KCNA6: variants seen among roughly 807,000 people sequenced by gnomAD.
KCNA6 encodes potassium voltage-gated channel subfamily A member 6.
In KCNA6, 17 loss-of-function variants were observed where a neutral mutation model predicts 29.5. That is an observed-to-expected ratio of 0.58 (90% CI 0.39 to 0.86). KCNA6 has a LOEUF of 0.86. Ranked by LOEUF, KCNA6 falls within the 40% of genes least tolerant of loss-of-function variation. The probability of loss-of-function intolerance (pLI) is 0.00; values close to 1 mark genes in which losing one functional copy is unlikely to be tolerated. For missense variants in KCNA6, 450 were observed against 703.4 expected, an observed-to-expected ratio of 0.64 and a Z score of 4.07; for synonymous variants, 296 against 304.7, an observed-to-expected ratio of 0.97 and a Z score of 0.30.
At chr12:4,846,317 C>T in the KCNA6 span, among the ~76,000 whole-genome samples, 1 of 152,130 alleles carries the variant, frequency 6.6e-6, no homozygotes, top group African/African-American at 2.4e-5. Context: ...TGACTTCCAA[C>T]TATGGAAGAT....
rs1946614759 is a variant in KCNA6, at chr12:4,810,411, T to A, written c.370T>A (p.Tyr124Asn). The A allele has an allele frequency of 6.2e-7, 1 of 1,613,980 alleles. No individual in the cohort carries two copies. The highest frequency in any genetic ancestry group is 1.3e-5 in the African/African-American group (1 of 74,910). The change falls in exon 1 of 1, where the codon TAC becomes AAC. Residue 124 changes from tyrosine to asparagine, a missense_variant. By Grantham distance (143) the Tyr-to-Asn change is moderately radical. Around this residue, in one of 7 missense-constraint regions of KCNA6, gnomAD observed 133 missense variants for 217.5 expected, o/e 0.61. Coordinates refer to ENST00000280684, the Ensembl canonical transcript of KCNA6. This position sits in a 1 kb window ranked among gnomAD's most constrained non-coding sequence, Gnocchi z 7.5. The stretch of plus-strand genomic sequence containing the variant: ...CATTTTCCTGGAGGAGATCCGCTTC[T>A]ACCAGCTGGGGGACGAGGCCCTGGC...
At chr12:4,843,945 A>G in the KCNA6 span, among the ~76,000 whole-genome samples, 26 of 152,296 alleles carry the variant, frequency 1.7e-4, no homozygotes, top group South Asian at 4.6e-3. Context: ...AGACAGATCC[A>G]AAACCATATC....
downstream of KCNA6, among the ~76,000 whole-genome samples, chr12:4,815,522 C>G (rs1020341940): frequency 6.6e-6 from 1 of 152,084 alleles, no homozygotes. Flanking sequence ...CTCAGGTTCT[C>G]CAAGCTTAGG....
chr12:4,812,696 G>A (rs1021667968), exon 1 of KCNA6: 2 of 167,080 alleles, frequency 1.2e-5, no homozygotes, highest in African/African-American at 4.8e-5. Context: ...TAAAGCCCTA[G>A]ACAGGTAAAA....
chr12:4,816,968 C>T (rs559643544), downstream of KCNA6, among the ~76,000 whole-genome samples: 4 of 152,308 alleles, frequency 2.6e-5, no homozygotes, highest in Admixed American at 1.3e-4. Context: ...TTCTCCTCTC[C>T]GCTGGCTGAG....
chr12:4,815,459 G>A (rs536461640), downstream of KCNA6, among the ~76,000 whole-genome samples: 1 of 152,272 alleles, frequency 6.6e-6, no homozygotes, highest in East Asian at 1.9e-4. Flanking sequence ...GGGAGGGAGA[G>A]AATGACCCTG....
chr12:4,813,709 G>A (rs1031783069), downstream of KCNA6: 6 of 167,048 alleles, frequency 3.6e-5, no homozygotes, highest in African/African-American at 1.4e-4. Context: ...GTCAGAAAGT[G>A]CTAGTTTTCC....
At chr12:4,829,547 A>G in the KCNA6 span, among the ~76,000 whole-genome samples, 1 of 152,182 alleles carries the variant, frequency 6.6e-6, no homozygotes, top group Non-Finnish European at 1.5e-5. Flanking sequence ...GATCACCTTC[A>G]TGGATTTTGG....
At chr12:4,818,199 C>G (rs1188161918), downstream of KCNA6, among the ~76,000 whole-genome samples, 7 of 152,226 alleles carry the variant, frequency 4.6e-5, no homozygotes, top group African/African-American at 1.2e-4. Flanking sequence ...CCTAGGGAAT[C>G]CTGACCTTGC....
chr12:4,841,065 T>G, the KCNA6 span, among the ~76,000 whole-genome samples: 15 of 152,334 alleles, frequency 9.8e-5, no homozygotes, highest in African/African-American at 3.1e-4. Context: ...CTCATTTTAC[T>G]CAGCAAAGGG....
At chr12:4,815,138 T>G (rs1290105589), downstream of KCNA6, among the ~76,000 whole-genome samples, 1 of 152,228 alleles carries the variant, frequency 6.6e-6, no homozygotes, top group Non-Finnish European at 1.5e-5. Flanking sequence ...TTTTACCATC[T>G]TCTTCCTTCT....
chr12:4,837,668 G>A, the KCNA6 span, among the ~76,000 whole-genome samples: 7 of 152,066 alleles, frequency 4.6e-5, no homozygotes, highest in African/African-American at 1.7e-4. Context: ...GAAGAAGTTT[G>A]TGTTTTTTGT....
At chr12:4,831,211 C>T in the KCNA6 span, among the ~76,000 whole-genome samples, 1 of 152,196 alleles carries the variant, frequency 6.6e-6, no homozygotes, top group Non-Finnish European at 1.5e-5. Context: ...CAGAGGGAGC[C>T]TTGGTGCAGA....
the KCNA6 span, among the ~76,000 whole-genome samples, chr12:4,842,057 G>GTA: frequency 2.1e-5 from 3 of 142,580 alleles, no homozygotes; most frequent in African/African-American, 7.7e-5. Flanking sequence ...GTGTGTGTGT[G>GTA]TGTGTCTGCT....
At chr12:4,819,844 T>A in the KCNA6 span, among the ~76,000 whole-genome samples, 2 of 152,234 alleles carry the variant, frequency 1.3e-5, no homozygotes, top group Admixed American at 1.3e-4. Flanking sequence ...AGCTTCAGTT[T>A]CGTCATCTGC....
At chr12:4,835,140 T>TA in the KCNA6 span, among the ~76,000 whole-genome samples, 1 of 150,784 alleles carries the variant, frequency 6.6e-6, no homozygotes, top group Non-Finnish European at 1.5e-5. Context: ...AATGATTTTT[T>TA]TTTTTTTTTT....
the KCNA6 span, among the ~76,000 whole-genome samples, chr12:4,843,244 G>A: frequency 1.5e-4 from 23 of 151,104 alleles, no homozygotes; most frequent in Non-Finnish European, 2.9e-4. Context: ...GCAGTGGCGC[G>A]ATCTCGGCTC....
the KCNA6 span, among the ~76,000 whole-genome samples, chr12:4,835,186 G>A: frequency 6.7e-6 from 1 of 148,888 alleles, no homozygotes. Flanking sequence ...CCAGGCTGGA[G>A]TGCAGTGGCG....
the KCNA6 span, among the ~76,000 whole-genome samples, chr12:4,820,154 C>T: frequency 1.3e-5 from 2 of 152,202 alleles, no homozygotes; most frequent in African/African-American, 4.8e-5. Context: ...TACCAGAAGG[C>T]TCTTTGCCCA....
Sources: allele counts gnomAD v4.1 joint callset (sites outside exome capture counted in the v4.1 genomes callset), GRCh38; gene constraint gnomAD v4.1.1; regional missense constraint gnomAD v4.1.1; non-coding constraint Gnocchi (gnomAD v3.1); transcripts MANE v1.5; gene names NCBI Gene and HGNC (gene_info 2026-07-23, HGNC 2026-07-21).